Variants in RB1 observed in about 807,000 individuals in gnomAD.
The protein encoded by RB1 is RB transcriptional corepressor 1.
RB1 carries 18 observed loss-of-function variants against 135.4 expected under a neutral mutation model. The observed-to-expected ratio is 0.13, with a 90% CI of 0.09 to 0.20. The LOEUF (loss-of-function observed/expected upper bound fraction) is 0.20, where lower values mean the gene tolerates loss of function less well. Among genes scored for constraint, RB1 ranks in the 10% least tolerant of loss-of-function variants. RB1 has a pLI of 1.00. For missense variants in RB1, 868 were observed against 1,110.0 expected, an observed-to-expected ratio of 0.78 and a Z score of 3.10; for synonymous variants, 365 against 373.2, an observed-to-expected ratio of 0.98 and a Z score of 0.25.
At chr13:48,321,093 A>G (rs1952233626) in intron 2 of RB1, among the ~76,000 whole-genome samples, 1 of 152,026 alleles carries the variant, frequency 6.6e-6, no homozygotes, top group Non-Finnish European at 1.5e-5. Context: ...CTTTTTAAAT[A>G]GACTTTTGAC....
At chr13:48,380,999 G>C (rs543244893) in intron 16 of RB1, among the ~76,000 whole-genome samples, 113 of 152,216 alleles carry the variant, frequency 7.4e-4, no homozygotes, top group African/African-American at 2.7e-3. Flanking sequence ...TAAGTTTAGG[G>C]TATTTAAATC....
chr13:48,413,287 G>T (rs1034702761), intron 17 of RB1, among the ~76,000 whole-genome samples: 1 of 152,166 alleles, frequency 6.6e-6, no homozygotes, highest in Non-Finnish European at 1.5e-5. Context: ...GTTGAACTGC[G>T]TGGTCTGCTC....
intron 8 of RB1, 92 bp from the exon 9 acceptor site, chr13:48,364,802 A>G (rs1469378740): frequency 2.1e-6 from 3 of 1,396,578 alleles, no homozygotes; most frequent in Admixed American, 2.5e-5. Flanking sequence ...TGGGGGATTG[A>G]CACCTCTAAC....
chr13:48,347,703 C>A, intron 4 of RB1, 122 bp from the exon 5 acceptor site: 1 of 651,478 alleles, frequency 1.5e-6, no homozygotes, highest in Non-Finnish European at 2.7e-6. Flanking sequence ...TTTTATAATG[C>A]TATATATTTT....
At chr13:48,440,929 A>G (rs1198594712) in intron 17 of RB1, among the ~76,000 whole-genome samples, 1 of 152,212 alleles carries the variant, frequency 6.6e-6, no homozygotes, top group Non-Finnish European at 1.5e-5. Flanking sequence ...AGGTTTGCTT[A>G]TAATTAAAAT....
At chr13:48,424,740 T>C (rs1039023220) in intron 17 of RB1, among the ~76,000 whole-genome samples, 2 of 152,158 alleles carry the variant, frequency 1.3e-5, no homozygotes, top group African/African-American at 2.4e-5. Context: ...TTAAGACATA[T>C]ACGTGCAATT....
chr13:48,421,669 A>G (rs1036828551), intron 17 of RB1, among the ~76,000 whole-genome samples: 3 of 152,354 alleles, frequency 2.0e-5, no homozygotes, highest in Admixed American at 2.0e-4. Context: ...ACAAATTTAC[A>G]GGAAAAAAGC....
chr13:48,450,794 T>G (rs987481047), intron 17 of RB1, among the ~76,000 whole-genome samples: 2 of 152,340 alleles, frequency 1.3e-5, no homozygotes, highest in Non-Finnish European at 2.9e-5. Flanking sequence ...CTTACAATAT[T>G]GATTCTTTCT....
Position 48,459,950 on chromosome 13 carries a change from T to TTCCTTTC in RB1, c.2106+118_2106+119insCCTTTCT, listed in dbSNP as rs1555294180. 1.1e-4 allele frequency: 26 copies of TTCCTTTC among 241,714 alleles called. 3 individuals are homozygous for TTCCTTTC. In the Admixed American group the frequency reaches 1.6e-3, roughly 15 times the overall value. The allele number at this position is 241,714 out of a possible 1,614,324, so 15.0% of individuals were successfully genotyped here. On this transcript the variant is annotated intron_variant, in intron 20 of 26. Transcript: ENST00000267163. ...CTTTCTTTCTTTCTTTCTTTCTTTCTTTTTCTTTCTTTCTTTCTCTCTTTC... is the reference window on the plus strand; with the variant it reads ...CTTTCTTTCTTTCTTTCTTTCTTTCTTCCTTTCTTTTCTTTCTTTCTTTCTCTCTTTC...
At chr13:48,421,227 C>A (rs1248136930) in intron 17 of RB1, among the ~76,000 whole-genome samples, 1 of 152,062 alleles carries the variant, frequency 6.6e-6, no homozygotes, top group Non-Finnish European at 1.5e-5. Context: ...AGAAATAATG[C>A]CACACATCTA....
chr13:48,320,075 TC>T, intron 2 of RB1: 1 of 597,142 alleles, frequency 1.7e-6, no homozygotes, highest in Non-Finnish European at 2.9e-6. Flanking sequence ...CTTTAGGTAC[TC>T]CCGGATGGCT....
chr13:48,330,120 A>T (rs79650055), intron 2 of RB1, among the ~76,000 whole-genome samples: 2 of 151,696 alleles, frequency 1.3e-5, no homozygotes, highest in East Asian at 1.9e-4. Flanking sequence ...AAAAAAAAAA[A>T]TGTGATACAA....
chr13:48,382,397 G>A (rs1948542917), intron 17 of RB1, among the ~76,000 whole-genome samples: 1 of 152,156 alleles, frequency 6.6e-6, no homozygotes, highest in Non-Finnish European at 1.5e-5. Context: ...ATTCTAACTG[G>A]TGTGAGATGG....
intron 17 of RB1, among the ~76,000 whole-genome samples, chr13:48,417,926 G>A (rs1235423898): frequency 6.6e-6 from 1 of 152,210 alleles, no homozygotes; most frequent in African/African-American, 2.4e-5. Flanking sequence ...GAAAGTGACA[G>A]GGAGAATTGA....
At chr13:48,387,389 T>G (rs1422453693) in intron 17 of RB1, among the ~76,000 whole-genome samples, 1 of 152,184 alleles carries the variant, frequency 6.6e-6, no homozygotes, top group Non-Finnish European at 1.5e-5. Flanking sequence ...TGCTTCCTAA[T>G]GGAAGAATAT....
chr13:48,350,235 C>T (rs1208568567), intron 6 of RB1, among the ~76,000 whole-genome samples: 1 of 152,078 alleles, frequency 6.6e-6, no homozygotes, highest in Non-Finnish European at 1.5e-5. Flanking sequence ...CAAGAATATA[C>T]ATTCTTCTTG....
chr13:48,412,373 G>A, intron 17 of RB1: 2 of 1,613,892 alleles, frequency 1.2e-6, no homozygotes, highest in African/African-American at 2.7e-5. Context: ...CATACAAAGT[G>A]TACTTAAAGG....
At chr13:48,473,529 TA>T (rs2138355021) in intron 24 of RB1, 139 bp downstream of exon 24, 2 of 686,250 alleles carry the variant, frequency 2.9e-6, no homozygotes, top group East Asian at 5.4e-5. Flanking sequence ...TTATGAGATA[TA>T]TATATCTCAG....
intron 24 of RB1, among the ~76,000 whole-genome samples, chr13:48,475,530 G>GC (rs1949498977): frequency 6.6e-6 from 1 of 152,244 alleles, no homozygotes; most frequent in African/African-American, 2.4e-5. Context: ...TTTGCCCAGA[G>GC]CAGGGACTCT....
Sources: gnomAD v4.1 joint callset for allele counts (sites outside exome capture counted in the v4.1 genomes callset) on GRCh38, gnomAD v4.1.1 for gene constraint, MANE v1.5 for transcripts, NCBI Gene and HGNC (gene_info 2026-07-23, HGNC 2026-07-21) for gene names.